HEPHL1: variants seen among roughly 807,000 people sequenced by gnomAD.
The protein encoded by HEPHL1 is ferroxidase HEPHL1.
In HEPHL1, 123 loss-of-function variants were observed where a neutral mutation model predicts 122.0. The observed-to-expected ratio is 1.01, with a 90% confidence interval of 0.87 to 1.17. HEPHL1 has a LOEUF of 1.17. Ranked by LOEUF, HEPHL1 falls within the 50% of genes most tolerant of loss-of-function variation. The probability of loss-of-function intolerance (pLI) is 0.00; values close to 1 mark genes in which losing one functional copy is unlikely to be tolerated. For synonymous variants in HEPHL1, 527 were observed against 508.9 expected (o/e 1.04, Z -0.48); for missense variants, 1,452 against 1,430.5 (o/e 1.01, Z -0.24).
At position 94,063,378 on chromosome 11, in the gene HEPHL1, C is replaced by G. The variant is rs1591474295; in HGVS notation, c.416-130C>G. 3 of 721,872 alleles carry G rather than the reference C, an allele frequency of 4.2e-6. No homozygotes were observed. In the East Asian group the frequency reaches 8.1e-5, roughly 19 times the overall value. The allele number at this position is 721,872 out of a possible 1,614,324, so 44.7% of individuals were successfully genotyped here. ...CATTGAGAATTTAAGTAACTTGCCT[C>G]AAGTCCCATAGCAAATAAATTTTAA... is the stretch of plus-strand genomic sequence containing the variant. On this transcript the variant is annotated intron_variant, in intron 2 of 19. Transcript: ENST00000315765.
At chr11:94,110,012 T>C (rs1356952843) in intron 17 of HEPHL1, among the ~76,000 whole-genome samples, 1 of 152,222 alleles carries the variant, frequency 6.6e-6, no homozygotes, top group South Asian at 2.1e-4. Flanking sequence ...ATAGATATAG[T>C]GCTATCCAGG....
Position 94,021,360 on chromosome 11 carries a change from C to T in HEPHL1, c.-9C>T. On this transcript the variant is annotated 5_prime_UTR_variant, in exon 1 of 20. Coordinates refer to ENST00000315765, the MANE Select transcript of HEPHL1 (RefSeq NM_001098672.2). ...GCAGGCTGCCTGCCTGCTTGAGTTA[C>T]ATCCACAAATGCCTCGGAAGCAGCC... 6.2e-7 allele frequency: 1 copy of T among 1,607,882 alleles called. No individual in the cohort carries two copies. The highest frequency in any genetic ancestry group is 8.5e-7 in the Non-Finnish European group (1 of 1,176,748).
Position 94,055,037 on chromosome 11 carries a change from G to A in HEPHL1, c.416-8471G>A, listed in dbSNP as rs35649458. 2.4e-3 allele frequency: 380 copies of A among 156,560 alleles called. 4 individuals carry two copies. Among genetic ancestry groups the A allele is most frequent in the South Asian group, 0.021 (108 of 5,174 alleles). The allele number at this position is 156,560 out of a possible 1,614,324, so 9.7% of individuals were successfully genotyped here. Reference sequence around the variant, plus strand: ...AGGGTGGGTCCTTACTGGGGCAGCTGGAGGGGCACAGACTGCTCTGCCGGA... The same window carrying A: ...AGGGTGGGTCCTTACTGGGGCAGCTAGAGGGGCACAGACTGCTCTGCCGGA... On this transcript the variant is annotated intron_variant, in intron 2 of 19. Coordinates refer to ENST00000315765, the MANE Select transcript of HEPHL1 (RefSeq NM_001098672.2).
At chr11:94,110,411 C>A (rs1195333159) in intron 17 of HEPHL1, among the ~76,000 whole-genome samples, 1 of 152,142 alleles carries the variant, frequency 6.6e-6, no homozygotes, top group Non-Finnish European at 1.5e-5. Context: ...GGATCCACTT[C>A]CAAACTTACT....
At chr11:94,052,403 G>T (rs1452295061) in intron 2 of HEPHL1, among the ~76,000 whole-genome samples, 1 of 151,846 alleles carries the variant, frequency 6.6e-6, no homozygotes, top group African/African-American at 2.4e-5. Context: ...TTACTTTCTT[G>T]ATTTCTTTTT....
In HEPHL1 at chr11:94,086,110, C is replaced by T; in HGVS notation, c.2001C>T (p.His667=). Residue 667 remains histidine (H), a synonymous_variant, in exon 11 of 20, where the codon CAC becomes CAT. Coordinates refer to ENST00000315765, the MANE Select transcript of HEPHL1 (RefSeq NM_001098672.2). ...TTGTTTTTCAAGGGAACACCATCCA[C>T]CTACGAGGGACTCACCGAGACTCCC... ...HGIVFQGNTI[H]LRGTHRDSLA... The T allele has an allele frequency of 6.2e-7, 1 of 1,613,516 alleles. No individual in the cohort carries two copies. The highest frequency in any genetic ancestry group is 2.2e-5 in the East Asian group (1 of 44,856).
At chr11:94,055,537 G>T in intron 2 of HEPHL1, 1 of 248,568 alleles carries the variant, frequency 4.0e-6, no homozygotes, top group South Asian at 4.5e-5. Context: ...CCGGCTTGGA[G>T]ACCAGCTCTC....
Position 94,070,371 on chromosome 11 carries a change from C to T in HEPHL1, c.1064-3C>T. 6.3e-7 allele frequency: 1 copy of T among 1,585,632 alleles called. No homozygotes were observed. Among genetic ancestry groups the T allele is most frequent in the Non-Finnish European group, 8.6e-7 (1 of 1,164,366 alleles). On this transcript the variant is annotated splice_region_variant and splice_polypyrimidine_tract_variant and intron_variant, in intron 5 of 19. Transcript: ENST00000315765. ...CAGCTCGTGGTTTTCCTCTGTTCTG[C>T]AGCTGGTATGCTGGGGCAATACAAT...
intron 18 of HEPHL1, 84 bp from the exon 19 acceptor site, chr11:94,111,453 C>T (rs754130369): frequency 8.1e-5 from 86 of 1,068,014 alleles, no homozygotes; most frequent in Admixed American, 1.4e-4. Context: ...GATAAGTCCT[C>T]GCTGGTGAAA....
intron 17 of HEPHL1, among the ~76,000 whole-genome samples, chr11:94,108,669 G>C (rs972704342): frequency 1.3e-5 from 2 of 151,586 alleles, no homozygotes; most frequent in Admixed American, 6.6e-5. Context: ...TTTTCCCACA[G>C]AATTGACTCT....
chr11:94,107,692 T>C (rs4531426), intron 17 of HEPHL1, among the ~76,000 whole-genome samples: 108,074 of 152,094 alleles, frequency 0.71, 38,662 homozygotes, highest in African/African-American at 0.78. Flanking sequence ...ATTCAAATTG[T>C]ATCCATCTTG....
intron 4 of HEPHL1, among the ~76,000 whole-genome samples, chr11:94,066,543 G>A (rs935676969): frequency 4.0e-5 from 6 of 151,696 alleles, no homozygotes; most frequent in Non-Finnish European, 7.4e-5. Flanking sequence ...GTGACAGAGC[G>A]AGACTCCATC....
At chr11:94,079,045 T>C (rs565040196) in intron 9 of HEPHL1, among the ~76,000 whole-genome samples, 1 of 152,318 alleles carries the variant, frequency 6.6e-6, no homozygotes, top group South Asian at 2.1e-4. Flanking sequence ...ATGAGGTTCT[T>C]CAATGCAACT....
chr11:94,036,919 A>G lies in HEPHL1; in HGVS notation c.171-8754A>G, dbSNP rs553165060. Among the ~76,000 whole-genome samples, 1,509 of 151,490 alleles carry G rather than the reference A, an allele frequency of 1.0e-2. 22 individuals are homozygous for G. Among genetic ancestry groups the G allele is most frequent in the African/African-American group, 0.034 (1,409 of 41,172 alleles). On this transcript the variant is annotated intron_variant, in intron 1 of 19. Coordinates refer to ENST00000315765, the MANE Select transcript of HEPHL1 (RefSeq NM_001098672.2). Reference sequence around the variant, plus strand: ...GTCTACAGCTCCCAGCGTGAGCGACACAGAAGACGGGTGATTTCTGCATTT... The same window carrying G: ...GTCTACAGCTCCCAGCGTGAGCGACGCAGAAGACGGGTGATTTCTGCATTT...
At chr11:94,084,336 TTAAATAAATAAA>T (rs5793669) in intron 10 of HEPHL1, among the ~76,000 whole-genome samples, 1,526 of 146,830 alleles carry the variant, frequency 0.01, 18 homozygotes, top group Non-Finnish European at 0.011. Context: ...CTCTCTCTGT[TTAAATAAATAAA>T]TAAATAAATA....
intron 1 of HEPHL1, among the ~76,000 whole-genome samples, chr11:94,034,713 A>G (rs1565344711): frequency 6.6e-6 from 1 of 152,194 alleles, no homozygotes; most frequent in African/African-American, 2.4e-5. Context: ...AAAGTCCCAG[A>G]CTAGACAGGC....
At chr11:94,047,833 G>A (rs1174818445) in intron 2 of HEPHL1, among the ~76,000 whole-genome samples, 2 of 151,932 alleles carry the variant, frequency 1.3e-5, no homozygotes, top group Non-Finnish European at 2.9e-5. Flanking sequence ...AGCTTTATAG[G>A]GCTACAAATT....
Position 94,038,137 on chromosome 11 carries a change from G to T in HEPHL1, c.171-7536G>T, listed in dbSNP as rs984978874. 2.9e-4 allele frequency among the ~76,000 whole-genome samples: 44 copies of T among 151,030 alleles called. 1 individual carries two copies. The highest frequency in any genetic ancestry group is 2.7e-3 in the Admixed American group (41 of 15,180). ...GGGTATCAGCAATGGAAGATGAAAT[G>T]AATGAAATGAAGTGAGAAGGGAAGT... On this transcript the variant is annotated intron_variant, in intron 1 of 19. Transcript: ENST00000315765.
chr11:94,092,125 C>T, intron 12 of HEPHL1, among the ~76,000 whole-genome samples: 1 of 152,120 alleles, frequency 6.6e-6, no homozygotes, highest in Non-Finnish European at 1.5e-5. Flanking sequence ...TCCACCCAAC[C>T]TAGGTAAGTA....
Sources: gnomAD v4.1 joint callset for allele counts (sites outside exome capture counted in the v4.1 genomes callset) on GRCh38, gnomAD v4.1.1 for gene constraint, MANE v1.5 for transcripts, NCBI Gene and HGNC (gene_info 2026-07-23, HGNC 2026-07-21) for gene names.